Variants in CCDC57 observed in about 807,000 individuals in gnomAD.
CCDC57 encodes the protein coiled-coil domain-containing protein 57.
CCDC57 carries 118 observed loss-of-function variants against 118.9 expected under a neutral mutation model. The ratio of observed to expected loss-of-function variants is 0.99; its 90% CI spans 0.86 to 1.16. The LOEUF (loss-of-function observed/expected upper bound fraction) is 1.16. Among genes scored for constraint, CCDC57 ranks in the 50% most tolerant of loss-of-function variants. CCDC57 has a pLI of 0.00. For synonymous variants in CCDC57, 527 were observed against 532.9 expected (o/e 0.99, Z 0.15); for missense variants, 1,300 against 1,320.7 (o/e 0.98, Z 0.24).
At chr17:82,199,089 G>A (rs944428558) in intron 3 of CCDC57, among the ~76,000 whole-genome samples, 3 of 151,824 alleles carry the variant, frequency 2.0e-5, no homozygotes, top group Non-Finnish European at 1.5e-5. Context: ...TGACACAGAC[G>A]CTGGAATTCT....
At position 82,184,031 on chromosome 17, in the gene CCDC57, GCACACACACA is replaced by G. The variant is rs71166198; in HGVS notation, c.1053-109_1053-100del. The G allele has an allele frequency of 7.0e-3, 918 of 131,780 alleles. 10 individuals are homozygous for G. Among genetic ancestry groups the G allele is most frequent in the African/African-American group, 0.03 (715 of 23,680 alleles). 8.2% of individuals were successfully genotyped at this position (131,780 alleles called of 1,614,324 possible). On this transcript the variant is annotated intron_variant, in intron 8 of 19. Coordinates refer to ENST00000665763, the Ensembl canonical transcript of CCDC57. ...CAAATACACATGCGCGCGCGCGCGCGCACACACACACACACACACACACACACACACACAC... is the reference window on the plus strand; with the variant it reads ...CAAATACACATGCGCGCGCGCGCGCGCACACACACACACACACACACACAC...
chr17:82,138,437 C>T (rs904704684), intron 16 of CCDC57, among the ~76,000 whole-genome samples: 8 of 151,918 alleles, frequency 5.3e-5, no homozygotes, highest in East Asian at 3.9e-4. Context: ...CATGAGCCAC[C>T]GCACCTGGCT....
chr17:82,169,951 C>A (rs2044476177), intron 13 of CCDC57, among the ~76,000 whole-genome samples: 1 of 152,096 alleles, frequency 6.6e-6, no homozygotes, highest in Non-Finnish European at 1.5e-5. Context: ...ATAACCAACG[C>A]TAGGCTCATA....
intron 13 of CCDC57, among the ~76,000 whole-genome samples, chr17:82,165,487 C>G (rs1055345571): frequency 7.6e-6 from 1 of 132,298 alleles, no homozygotes; most frequent in Non-Finnish European, 1.6e-5. Context: ...GAGCTCAGAC[C>G]AAAAAAAAAA....
intron 1 of CCDC57, among the ~76,000 whole-genome samples, chr17:82,209,476 G>GT (rs961922028): frequency 3.9e-5 from 6 of 152,020 alleles, no homozygotes; most frequent in African/African-American, 9.7e-5. Context: ...AAACTCACAG[G>GT]TTTTTTTGGT....
At chr17:82,141,780 GA>G (rs775492702) in intron 16 of CCDC57, among the ~76,000 whole-genome samples, 6 of 152,088 alleles carry the variant, frequency 3.9e-5, no homozygotes, top group Admixed American at 3.3e-4. Flanking sequence ...GATGCCCGGG[GA>G]AAAAACACCT....
intron 19 of CCDC57, among the ~76,000 whole-genome samples, 173 bp from the exon 19 acceptor site, chr17:82,102,039 T>C (rs1286045591): frequency 6.6e-6 from 1 of 152,160 alleles, no homozygotes; most frequent in Non-Finnish European, 1.5e-5. Flanking sequence ...GATCCTGGAG[T>C]GACCAGAGAG....
At chr17:82,129,281 C>A (rs375208911) in intron 17 of CCDC57, among the ~76,000 whole-genome samples, 2 of 152,170 alleles carry the variant, frequency 1.3e-5, no homozygotes, top group Non-Finnish European at 2.9e-5. Context: ...TGTCTCCCCC[C>A]TTCTGGAGGG....
chr17:82,116,088 C>T (rs1319600993), intron 19 of CCDC57, among the ~76,000 whole-genome samples: 9 of 147,744 alleles, frequency 6.1e-5, no homozygotes, highest in South Asian at 4.3e-4. Flanking sequence ...TGAGCCACCG[C>T]GCCCGGCCAC....
chr17:82,138,676 C>T (rs2039608186), intron 16 of CCDC57, among the ~76,000 whole-genome samples: 2 of 151,052 alleles, frequency 1.3e-5, no homozygotes, highest in Admixed American at 6.6e-5. Flanking sequence ...GGAAGAGACG[C>T]GTGGCCTGCC....
intron 9 of CCDC57, among the ~76,000 whole-genome samples, chr17:82,182,064 G>A (rs1259260682): frequency 6.6e-6 from 1 of 152,088 alleles, no homozygotes; most frequent in Non-Finnish European, 1.5e-5. Context: ...GTTGTAGTGA[G>A]CTGAGATTGC....
Position 82,172,799 on chromosome 17 carries a change from C to G in CCDC57, c.1568G>C (p.Arg523Pro). Residue 523 changes from arginine (R) to proline (P), a missense_variant, in exon 12 of 20, where the codon CGG becomes CCG. Physicochemically the swap from Arg to Pro is moderately radical, Grantham distance 103. Coordinates refer to ENST00000665763, the Ensembl canonical transcript of CCDC57. This position sits in a 1 kb window ranked among gnomAD's most constrained non-coding sequence, Gnocchi z 5.2. ...CAAGCTCGTGTTCTGCTCTCGGAGC[C>G]GCTGGATCTCACTGGATGGAAAGTC... The G allele has an allele frequency of 6.2e-7, 1 of 1,613,580 alleles. No homozygotes were observed. The highest frequency in any genetic ancestry group is 2.2e-5 in the East Asian group (1 of 44,880).
intron 15 of CCDC57, chr17:82,157,241 A>C: frequency 5.7e-6 from 1 of 175,678 alleles, no homozygotes; most frequent in Non-Finnish European, 1.2e-5. Flanking sequence ...CCTCGGGGCC[A>C]AGGGCCTGAC....
At chr17:82,165,570 C>T (rs1271718687) in intron 13 of CCDC57, among the ~76,000 whole-genome samples, 1 of 152,038 alleles carries the variant, frequency 6.6e-6, no homozygotes. Flanking sequence ...GCCCTTGGGA[C>T]CACACCTGCC....
intron 17 of CCDC57, among the ~76,000 whole-genome samples, chr17:82,130,242 G>A (rs955359376): frequency 2.0e-5 from 3 of 151,928 alleles, no homozygotes; most frequent in African/African-American, 4.8e-5. Flanking sequence ...TGCCCAGGCT[G>A]GAGTGCAGTG....
chr17:82,210,489 T>G (rs1278508926), intron 1 of CCDC57, among the ~76,000 whole-genome samples: 1 of 146,706 alleles, frequency 6.8e-6, no homozygotes, highest in Non-Finnish European at 1.5e-5. Flanking sequence ...CTGACCAACA[T>G]GGTGAAACCC....
At chr17:82,166,725 T>C (rs778473332) in intron 13 of CCDC57, among the ~76,000 whole-genome samples, 7 of 152,030 alleles carry the variant, frequency 4.6e-5, no homozygotes, top group Non-Finnish European at 8.8e-5. Context: ...CTGGGCAACA[T>C]AGTGATACTC....
Position 82,178,518 on chromosome 17 carries a change from CG to C in CCDC57, c.1461del (p.Val488CysfsTer4). On this transcript the variant is annotated frameshift_variant, in exon 11 of 20. Transcript: ENST00000665763. LOFTEE classifies it high-confidence loss of function. ...AGCCCATGCATCCTCAGGGCCTGCA[CG>C]GCCTGGTCTCGTTCCAGGGTCACGG... The C allele has an allele frequency of 6.2e-7, 1 of 1,613,770 alleles. No homozygotes were observed. Among genetic ancestry groups the C allele is most frequent in the Middle Eastern group, 1.7e-4 (1 of 6,060 alleles).
chr17:82,175,998 T>C (rs1382336655), intron 11 of CCDC57, among the ~76,000 whole-genome samples: 1 of 152,230 alleles, frequency 6.6e-6, no homozygotes, highest in African/African-American at 2.4e-5. Flanking sequence ...ATCTAAAGTT[T>C]ATTTTGCTGT....
Sources: gnomAD v4.1 joint callset for allele counts (sites outside exome capture counted in the v4.1 genomes callset) on GRCh38, gnomAD v4.1.1 for gene constraint, Gnocchi (gnomAD v3.1) non-coding constraint, MANE v1.5 for transcripts, NCBI Gene and HGNC (gene_info 2026-07-23, HGNC 2026-07-21) for gene names.